CHAF1A: variants seen among roughly 807,000 people sequenced by gnomAD.
CHAF1A encodes the protein CAF-1 subunit A.
A neutral mutation model predicts 93.2 loss-of-function variants in CHAF1A; 5 were observed. The ratio of observed to expected loss-of-function variants is 0.05; its 90% CI spans 0.03 to 0.11. CHAF1A has a LOEUF of 0.11. CHAF1A is among the 10% of genes least tolerant of loss of function. The pLI is 1.00. For missense variants in CHAF1A, 1,102 were observed against 1,259.9 expected (o/e 0.87, Z 1.90); for synonymous variants, 504 against 510.3 (o/e 0.99, Z 0.17).
downstream of CHAF1A, chr19:4,446,954 T>G: frequency 4.4e-6 from 7 of 1,593,810 alleles, no homozygotes; most frequent in Non-Finnish European, 6.0e-6. Flanking sequence ...TGGGGGCCCC[T>G]GGCTTCCTCC....
intron 10 of CHAF1A, 68 bp downstream of exon 10, chr19:4,429,856 G>A: frequency 2.2e-6 from 3 of 1,393,148 alleles, no homozygotes; most frequent in Non-Finnish European, 3.0e-6. Context: ...CCACAGTGAG[G>A]GGCTAAGGAT....
At chr19:4,412,459 G>A (rs910261660) in intron 3 of CHAF1A, among the ~76,000 whole-genome samples, 17 of 152,150 alleles carry the variant, frequency 1.1e-4, no homozygotes, top group African/African-American at 3.6e-4. Flanking sequence ...CGGGAGAACC[G>A]CTTGAACCCA....
At chr19:4,428,930 G>A (rs760619745) in intron 8 of CHAF1A, 40 bp downstream of exon 8, 3 of 1,554,678 alleles carry the variant, frequency 1.9e-6, no homozygotes, top group Admixed American at 3.4e-5. Context: ...CACTAGTGAT[G>A]CTGGAGGCCA....
At chr19:4,448,490 G>C, downstream of CHAF1A, 1 of 1,259,862 alleles carries the variant, frequency 7.9e-7, no homozygotes. Context: ...CAGGTAACAG[G>C]GGCAGGAAAA....
Position 4,408,935 on chromosome 19 carries a change from C to T in CHAF1A, c.136C>T (p.Pro46Ser), listed in dbSNP as rs754602845. Residue 46 changes from proline to serine, a missense_variant, in exon 3 of 15, where the codon CCA (proline) becomes TCA (serine). By Grantham distance (74) the Pro-to-Ser change is moderately conservative (BLOSUM62 -1). Around this residue, in one of 6 missense-constraint regions of CHAF1A, gnomAD observed 379 missense variants for 365.7 expected, o/e 1.04. Coordinates refer to ENST00000301280, the MANE Select transcript of CHAF1A (RefSeq NM_005483.3). Reference protein sequence around the residue: ...RLPFKRLNLVPKGKADDMSDD... With the variant: ...RLPFKRLNLVSKGKADDMSDD... ...GCCGTTTAAGCGCCTGAATCTTGTCCCAAAGGGGAAAGCCGATGACATGTC... is the reference window on the plus strand; with the variant it reads ...GCCGTTTAAGCGCCTGAATCTTGTCTCAAAGGGGAAAGCCGATGACATGTC... 1 of 1,611,038 alleles carries T rather than the reference C, an allele frequency of 6.2e-7. No individual in the cohort carries two copies. Among genetic ancestry groups the T allele is most frequent in the South Asian group, 1.1e-5 (1 of 90,282 alleles).
intron 4 of CHAF1A, among the ~76,000 whole-genome samples, chr19:4,418,572 C>G (rs1249466897): frequency 1.3e-5 from 2 of 151,602 alleles, no homozygotes; most frequent in Non-Finnish European, 2.9e-5. Flanking sequence ...TCCACCACCA[C>G]GCCTGGCTAA....
intron 11 of CHAF1A, 62 bp downstream of exon 11, chr19:4,430,703 G>A (rs1974166473): frequency 1.3e-6 from 2 of 1,581,876 alleles, no homozygotes; most frequent in Admixed American, 3.4e-5. Context: ...CTGGTGCTCA[G>A]TGGCCTGACC....
downstream of CHAF1A, chr19:4,446,007 A>G (rs1017836467): frequency 1.9e-6 from 3 of 1,564,324 alleles, no homozygotes; most frequent in African/African-American, 1.4e-5. Flanking sequence ...GAGAACCTGC[A>G]GAGGCATCGG....
chr19:4,407,312 A>G (rs1336974148), intron 2 of CHAF1A, among the ~76,000 whole-genome samples: 1 of 150,624 alleles, frequency 6.6e-6, no homozygotes, highest in Non-Finnish European at 1.5e-5. Context: ...ATGCAATGGC[A>G]TTGAAGTAAG....
Position 4,441,497 on chromosome 19 carries a change from A to G in CHAF1A, c.2674-748A>G, listed in dbSNP as rs902366086. 1.3e-5 allele frequency among the ~76,000 whole-genome samples: 2 copies of G among 152,048 alleles called. 1 individual carries two copies. Among genetic ancestry groups the G allele is most frequent in the Middle Eastern group, 6.8e-3 (2 of 294 alleles). ...ATGGCATACACCTGTAATCCCAGCT[A>G]CTCAGGAGGCTGAAGAACGAGAATC... On this transcript the variant is annotated intron_variant, in intron 13 of 14. Coordinates refer to ENST00000301280, the MANE Select transcript of CHAF1A (RefSeq NM_005483.3).
At chr19:4,406,526 C>T (rs1973684151) in intron 2 of CHAF1A, among the ~76,000 whole-genome samples, 1 of 151,676 alleles carries the variant, frequency 6.6e-6, no homozygotes, top group Non-Finnish European at 1.5e-5. Flanking sequence ...CCTCCGCCTC[C>T]TGGGTTCAAG....
chr19:4,448,927 GTC>G (rs1357534333), downstream of CHAF1A: 1 of 158,720 alleles, frequency 6.3e-6, no homozygotes, highest in African/African-American at 2.4e-5. Context: ...ACACAAATGA[GTC>G]TGCAACCCTC....
At chr19:4,423,298 CAA>C (rs1974023262) in intron 5 of CHAF1A, 35 bp from the exon 6 acceptor site, 1 of 1,613,458 alleles carries the variant, frequency 6.2e-7, no homozygotes. Flanking sequence ...AGAGCCAAAG[CAA>C]AGAGTCGGCT....
chr19:4,410,696 TA>T (rs1053361195), intron 3 of CHAF1A, among the ~76,000 whole-genome samples: 1 of 152,184 alleles, frequency 6.6e-6, no homozygotes, highest in Non-Finnish European at 1.5e-5. Context: ...AAAAAATTTT[TA>T]AAAGTTATCC....
intron 2 of CHAF1A, 135 bp from the exon 3 acceptor site, chr19:4,408,768 C>G: frequency 1.7e-6 from 2 of 1,145,620 alleles, no homozygotes; most frequent in Non-Finnish European, 2.5e-6. Context: ...GCCACCACAC[C>G]CGGCCCAGAT....
Position 4,409,911 on chromosome 19 carries a change from A to G in CHAF1A, c.960+152A>G, listed in dbSNP as rs1168858968. ...CGACGTGGAGTTCTTCCTGGTATCA[A>G]AACTCACAGTGTTCAGTTCTGCATT... On this transcript the variant is annotated intron_variant, in intron 3 of 14. Coordinates refer to ENST00000301280, the MANE Select transcript of CHAF1A (RefSeq NM_005483.3). 3.5e-5 allele frequency: 29 copies of G among 835,970 alleles called. No homozygotes were observed. The East Asian group carries it at 3.7e-4, about 11-fold the overall frequency. 51.8% of individuals were successfully genotyped at this position (835,970 alleles called of 1,614,324 possible).
chr19:4,423,421 C>A, intron 6 of CHAF1A, 26 bp downstream of exon 6: 1 of 1,612,372 alleles, frequency 6.2e-7, no homozygotes, highest in South Asian at 1.1e-5. Context: ...CAGAGCTTCC[C>A]CGTCCCAGCC....
downstream of CHAF1A, among the ~76,000 whole-genome samples, chr19:4,444,057 A>C (rs551308005): frequency 6.6e-6 from 1 of 152,190 alleles, no homozygotes; most frequent in African/African-American, 2.4e-5. Context: ...CTGTGCCTGA[A>C]GCAGAGGCTG....
intron 13 of CHAF1A, among the ~76,000 whole-genome samples, chr19:4,435,117 G>A (rs547093378): frequency 1.9e-5 from 2 of 102,798 alleles, no homozygotes; most frequent in Admixed American, 2.8e-4. Context: ...TTTTGAGACA[G>A]TCTCGCGCTG....
Sources: allele counts gnomAD v4.1 joint callset (sites outside exome capture counted in the v4.1 genomes callset), GRCh38; gene constraint gnomAD v4.1.1; regional missense constraint gnomAD v4.1.1; transcripts MANE v1.5; gene names NCBI Gene and HGNC (gene_info 2026-07-23, HGNC 2026-07-21).